Variants in PRRX1 observed in about 807,000 individuals in gnomAD.
The protein encoded by PRRX1 is paired mesoderm homeobox protein 1.
A neutral mutation model predicts 24.0 loss-of-function variants in PRRX1; 8 were observed. The ratio of observed to expected loss-of-function variants is 0.33; its 90% CI spans 0.20 to 0.60. The LOEUF (loss-of-function observed/expected upper bound fraction) is 0.60. Ranked by LOEUF, PRRX1 falls within the 20% of genes least tolerant of loss-of-function variation. The pLI, the probability that PRRX1 is intolerant of heterozygous loss-of-function variation, is 0.82. For synonymous variants in PRRX1, 160 were observed against 131.7 expected, an observed-to-expected ratio of 1.22 and a Z score of -1.47; for missense variants, 281 against 322.4, an observed-to-expected ratio of 0.87 and a Z score of 0.98.
intron 2 of PRRX1, among the ~76,000 whole-genome samples, chr1:170,722,825 T>C (rs187092119): frequency 2.1e-4 from 32 of 152,346 alleles, no homozygotes; most frequent in Non-Finnish European, 4.1e-4. Context: ...TGGGCTTTGA[T>C]ACCCGGACAA....
At chr1:170,711,791 C>T (rs558056138) in intron 1 of PRRX1, among the ~76,000 whole-genome samples, 2 of 152,148 alleles carry the variant, frequency 1.3e-5, no homozygotes, top group African/African-American at 2.4e-5. Context: ...AGTCAAATTC[C>T]TAGTCAAATA....
intron 1 of PRRX1, among the ~76,000 whole-genome samples, chr1:170,678,732 T>G (rs1401608396): frequency 6.6e-6 from 1 of 152,242 alleles, no homozygotes; most frequent in African/African-American, 2.4e-5. Context: ...TTTCTTCTTC[T>G]GTCTATGTCT....
chr1:170,672,108 C>G (rs1653163622), intron 1 of PRRX1, among the ~76,000 whole-genome samples: 1 of 152,142 alleles, frequency 6.6e-6, no homozygotes. Context: ...GAGCCTGCAA[C>G]TTGGGTACCT....
intron 1 of PRRX1, among the ~76,000 whole-genome samples, chr1:170,686,408 A>G (rs2101895021): frequency 6.6e-6 from 1 of 152,298 alleles, no homozygotes; most frequent in African/African-American, 2.4e-5. Flanking sequence ...CGTGGGGAAT[A>G]GAATTTCTTG....
At chr1:170,713,906 C>T (rs1654824169) in intron 1 of PRRX1, among the ~76,000 whole-genome samples, 1 of 152,154 alleles carries the variant, frequency 6.6e-6, no homozygotes, top group Non-Finnish European at 1.5e-5. Context: ...GCAATAGCTG[C>T]ACAGTTGGGT....
chr1:170,693,399 G>A (rs1054931910), intron 1 of PRRX1, among the ~76,000 whole-genome samples: 1 of 152,010 alleles, frequency 6.6e-6, no homozygotes, highest in Non-Finnish European at 1.5e-5. Flanking sequence ...ATTCTAGTAT[G>A]ATGTAATTTC....
intron 1 of PRRX1, among the ~76,000 whole-genome samples, chr1:170,697,365 A>T (rs1654204949): frequency 6.6e-6 from 1 of 152,140 alleles, no homozygotes; most frequent in Non-Finnish European, 1.5e-5. Flanking sequence ...TAAATACATA[A>T]TCTTCCAAGT....
upstream of PRRX1, chr1:170,663,688 C>T (rs1176420428): frequency 6.5e-6 from 1 of 152,774 alleles, no homozygotes. Flanking sequence ...GGTGCTTGAA[C>T]TCTTGCCTGG....
At chr1:170,730,145 G>C in intron 3 of PRRX1, 1 of 824,222 alleles carries the variant, frequency 1.2e-6, no homozygotes, top group Non-Finnish European at 2.2e-6. Context: ...GAGTGAAAGA[G>C]AGGTCAGCTA....
At chr1:170,703,573 A>G (rs955484216) in intron 1 of PRRX1, among the ~76,000 whole-genome samples, 8 of 151,674 alleles carry the variant, frequency 5.3e-5, no homozygotes, top group African/African-American at 1.9e-4. Flanking sequence ...AGAGTTTATA[A>G]TAATAATACA....
chr1:170,688,085 A>G (rs909218475), intron 1 of PRRX1, among the ~76,000 whole-genome samples: 2 of 152,332 alleles, frequency 1.3e-5, no homozygotes, highest in East Asian at 1.9e-4. Flanking sequence ...TTCACTTGCT[A>G]TGTGACCTCT....
At chr1:170,671,506 C>T (rs545541679) in intron 1 of PRRX1, among the ~76,000 whole-genome samples, 77 of 152,254 alleles carry the variant, frequency 5.1e-4, no homozygotes, top group Non-Finnish European at 1.0e-3. Flanking sequence ...AGACGCTTTC[C>T]TCCTTGCCTT....
intron 1 of PRRX1, among the ~76,000 whole-genome samples, chr1:170,686,633 G>T (rs903343784): frequency 3.3e-5 from 5 of 152,092 alleles, no homozygotes; most frequent in Admixed American, 6.5e-5. Flanking sequence ...CGGCTGCAGC[G>T]GCTTGTGCAG....
intron 1 of PRRX1, among the ~76,000 whole-genome samples, chr1:170,705,921 C>G (rs1654543497): frequency 8.0e-6 from 1 of 124,546 alleles, no homozygotes. Flanking sequence ...CACATAGACA[C>G]ACACACACAC....
Position 170,726,340 on chromosome 1 carries a change from G to A in PRRX1, c.538G>A (p.Val180Ile), listed in dbSNP as rs1655254251. 1 of 1,614,034 alleles carries A rather than the reference G, an allele frequency of 6.2e-7. No homozygotes were observed. The highest frequency in any genetic ancestry group is 8.5e-7 in the Non-Finnish European group (1 of 1,179,988). The change falls in exon 3 of 4, where the codon GTA becomes ATA. Residue 180 changes from valine to isoleucine, a missense_variant. Val to Ile is a conservative substitution (Grantham distance 29). Transcript: ENST00000239461. The part of the protein sequence containing the change: ...GDVTAVEQPI[V>I]PRPAPRPTDY... ...CGTGACTGCTGTGGAGCAGCCCATC[G>A]TACCTCGTCCTGCTCCGAGACCCAC...
At chr1:170,705,997 C>T (rs1654553679) in intron 1 of PRRX1, among the ~76,000 whole-genome samples, 1 of 151,706 alleles carries the variant, frequency 6.6e-6, no homozygotes, top group Admixed American at 6.6e-5. Context: ...ATGCCCCCCA[C>T]CCTTAAATGT....
intron 1 of PRRX1, among the ~76,000 whole-genome samples, chr1:170,684,350 T>C (rs1653657282): frequency 6.6e-6 from 1 of 152,234 alleles, no homozygotes; most frequent in Non-Finnish European, 1.5e-5. Flanking sequence ...GATGGAACTT[T>C]GTATGACCCC....
chr1:170,723,288 A>C (rs1272021073), intron 2 of PRRX1, among the ~76,000 whole-genome samples: 1 of 152,196 alleles, frequency 6.6e-6, no homozygotes, highest in Non-Finnish European at 1.5e-5. Flanking sequence ...ATTTATGTGT[A>C]TGTTGGCCCC....
intron 1 of PRRX1, 63 bp downstream of exon 1, chr1:170,664,522 G>C: frequency 6.5e-7 from 1 of 1,540,574 alleles, no homozygotes; most frequent in South Asian, 1.2e-5. Flanking sequence ...GACCCGTGTA[G>C]GGCAGCTAGA....
Sources: gnomAD v4.1 joint callset for allele counts (sites outside exome capture counted in the v4.1 genomes callset) on GRCh38, gnomAD v4.1.1 for gene constraint, MANE v1.5 for transcripts, NCBI Gene and HGNC (gene_info 2026-07-23, HGNC 2026-07-21) for gene names.